USP34: variants seen among roughly 807,000 people sequenced by gnomAD.
USP34 encodes ubiquitin specific peptidase 34.
In USP34, 70 loss-of-function variants were observed where a neutral mutation model predicts 460.3. That is an observed-to-expected ratio of 0.15 (90% CI 0.13 to 0.19). The LOEUF is 0.19. Ranked by LOEUF, USP34 falls within the 10% of genes least tolerant of loss-of-function variation. USP34 has a pLI of 1.00. For missense variants in USP34, 3,985 were observed against 4,236.2 expected (o/e 0.94, Z 1.65); for synonymous variants, 1,647 against 1,405.3 (o/e 1.17, Z -3.85).
chr2:61,229,463 A>AAAAAAAAAAAAAC (rs1255338662), intron 59 of USP34, 85 bp downstream of exon 59: 2 of 661,048 alleles, frequency 3.0e-6, no homozygotes, highest in African/African-American at 4.4e-5. Flanking sequence ...CTCTTAAAAA[A>AAAAAAAAAAAAAC]AAAAAAAAAA....
chr2:61,454,874 T>C (rs1487831612), intron 1 of USP34, among the ~76,000 whole-genome samples: 1 of 149,164 alleles, frequency 6.7e-6, no homozygotes, highest in Non-Finnish European at 1.5e-5. Context: ...TTTTTTCTTT[T>C]TTTTTTTTTT....
chr2:61,320,984 T>C (rs975990671), intron 21 of USP34, among the ~76,000 whole-genome samples: 2 of 151,598 alleles, frequency 1.3e-5, no homozygotes, highest in African/African-American at 4.8e-5. Context: ...CACTCCATCC[T>C]GTGCGACAAG....
At chr2:61,385,146 G>C (rs1693097527) in intron 5 of USP34, among the ~76,000 whole-genome samples, 1 of 151,992 alleles carries the variant, frequency 6.6e-6, no homozygotes, top group South Asian at 2.1e-4. Context: ...CTTAAGAACA[G>C]TATCAAAAAT....
intron 76 of USP34, among the ~76,000 whole-genome samples, chr2:61,192,367 AATTTT>A (rs1279264726): frequency 6.6e-6 from 1 of 152,206 alleles, no homozygotes; most frequent in African/African-American, 2.4e-5. Context: ...GCAGCCACTT[AATTTT>A]AAGGAGTTGG....
chr2:61,328,953 T>C (rs1691178307), intron 20 of USP34, among the ~76,000 whole-genome samples: 1 of 152,226 alleles, frequency 6.6e-6, no homozygotes, highest in African/African-American at 2.4e-5. Flanking sequence ...AGTAATTAAC[T>C]CCCCATCTCC....
At chr2:61,254,201 T>C (rs947331682) in intron 48 of USP34, among the ~76,000 whole-genome samples, 2 of 152,266 alleles carry the variant, frequency 1.3e-5, no homozygotes, top group African/African-American at 2.4e-5. Flanking sequence ...ATTATATTAA[T>C]TGATTATTTT....
chr2:61,272,158 T>A (rs1381564431), intron 41 of USP34, among the ~76,000 whole-genome samples: 3 of 152,204 alleles, frequency 2.0e-5, no homozygotes, highest in African/African-American at 7.2e-5. Flanking sequence ...ACGCCTGTAA[T>A]CCCAGCACTT....
chr2:61,220,501 GAGCA>G (rs1687529160), intron 66 of USP34, 44 bp from the exon 67 acceptor site: 1 of 1,521,538 alleles, frequency 6.6e-7, no homozygotes, highest in East Asian at 2.4e-5. Context: ...CCAACTGAAT[GAGCA>G]ATTACTTTTA....
intron 20 of USP34, among the ~76,000 whole-genome samples, chr2:61,330,511 ACACTTCT>A (rs1691229017): frequency 6.6e-6 from 1 of 152,218 alleles, no homozygotes; most frequent in African/African-American, 2.4e-5. Flanking sequence ...ACTTTTCCGA[ACACTTCT>A]ACAGTCTGCT....
intron 27 of USP34, among the ~76,000 whole-genome samples, chr2:61,305,873 C>T (rs1690388187): frequency 6.6e-6 from 1 of 151,930 alleles, no homozygotes; most frequent in Admixed American, 6.6e-5. Context: ...AACAGAACAA[C>T]AATTTTAAAG....
chr2:61,405,582 A>AT (rs2103934303), intron 3 of USP34, 126 bp downstream of exon 3: 2 of 966,062 alleles, frequency 2.1e-6, no homozygotes, highest in African/African-American at 1.7e-5. Flanking sequence ...GAGAAACATT[A>AT]AATAATTCTG....
intron 3 of USP34, among the ~76,000 whole-genome samples, chr2:61,397,593 G>A (rs936271730): frequency 3.9e-5 from 6 of 151,982 alleles, no homozygotes; most frequent in Non-Finnish European, 5.9e-5. Context: ...TGGTGAAACC[G>A]CGTCTCTACT....
In USP34 at chr2:61,296,803, C is replaced by A; in HGVS notation, c.4251G>T (p.Glu1417Asp). Residue 1417 changes from glutamate (E) to aspartate (D), a missense_variant, in exon 30 of 80, where the codon GAG becomes GAT. Glu to Asp is a conservative substitution (Grantham distance 45). Coordinates refer to ENST00000398571, the MANE Select transcript of USP34 (RefSeq NM_014709.4). ...MLMAFQNISD[E>D]QSNDGFNWKE... The stretch of plus-strand genomic sequence containing the variant: ...TAAAGAGATTTTGTGGGCTCACCTG[C>A]TCATCTGAGATATTCTGGAATGCCA... The A allele has an allele frequency of 6.2e-7, 1 of 1,611,944 alleles. No individual in the cohort carries two copies. The highest frequency in any genetic ancestry group is 8.5e-7 in the Non-Finnish European group (1 of 1,179,202).
intron 8 of USP34, among the ~76,000 whole-genome samples, chr2:61,375,345 T>C (rs891493492): frequency 6.6e-6 from 1 of 152,146 alleles, no homozygotes; most frequent in Non-Finnish European, 1.5e-5. Flanking sequence ...ACAGCTCCAA[T>C]GAAAGTTAAA....
intron 1 of USP34, among the ~76,000 whole-genome samples, chr2:61,449,999 G>C (rs1695224227): frequency 6.6e-6 from 1 of 152,170 alleles, no homozygotes; most frequent in South Asian, 2.1e-4. Flanking sequence ...CCAGGAGGCA[G>C]AGCCTGCAGT....
At chr2:61,264,922 A>G (rs1211940844) in intron 43 of USP34, among the ~76,000 whole-genome samples, 1 of 152,164 alleles carries the variant, frequency 6.6e-6, no homozygotes, top group Non-Finnish European at 1.5e-5. Context: ...GAAAGTGAAT[A>G]AAAATAACAT....
intron 27 of USP34, among the ~76,000 whole-genome samples, chr2:61,310,434 GAACT>G (rs1369878506): frequency 2.6e-5 from 4 of 151,852 alleles, no homozygotes; most frequent in Non-Finnish European, 4.4e-5. Flanking sequence ...CTTTCTACAT[GAACT>G]AACATGAAAT....
chr2:61,416,660 C>T (rs975855521), intron 2 of USP34, among the ~76,000 whole-genome samples: 5 of 152,162 alleles, frequency 3.3e-5, no homozygotes, highest in African/African-American at 1.2e-4. Flanking sequence ...TCCGTATATT[C>T]CCTTTCCCTA....
At chr2:61,334,063 G>A in intron 18 of USP34, 92 bp from the exon 19 acceptor site, 8 of 867,188 alleles carry the variant, frequency 9.2e-6, no homozygotes, top group Non-Finnish European at 1.4e-5. Context: ...AAGATTTAAT[G>A]AATCTTGCAT....
Sources: gnomAD v4.1 joint callset for allele counts (sites outside exome capture counted in the v4.1 genomes callset) on GRCh38, gnomAD v4.1.1 for gene constraint, MANE v1.5 for transcripts, NCBI Gene and HGNC (gene_info 2026-07-23, HGNC 2026-07-21) for gene names.